The following OR56A3 variants were observed in gnomAD, a reference collection of about 807,000 sequenced individuals.
OR56A3 encodes the protein olfactory receptor 56A3.
Under a neutral mutation model 17.5 loss-of-function variants are expected in OR56A3, and 23 were observed. The observed-to-expected ratio is 1.32, with a 90% CI of 0.95 to 1.87. The LOEUF is 1.87. OR56A3 is among the 40% of genes most tolerant of loss of function. The pLI is 0.00. For synonymous variants in OR56A3, 175 were observed against 150.6 expected (o/e 1.16, Z -1.19); for missense variants, 366 against 380.1 (o/e 0.96, Z 0.31).
In OR56A3 at chr11:5,950,503, T is replaced by G. The variant is rs1847901502; in HGVS notation, c.*2209T>G. 1 of 152,170 alleles carries G rather than the reference T, an allele frequency of 6.6e-6. No individual in the cohort carries two copies. The highest frequency in any genetic ancestry group is 2.4e-5 in the African/African-American group (1 of 41,458). The allele number at this position is 152,170 out of a possible 1,614,324, so 9.4% of individuals were successfully genotyped here. A position where few individuals can be genotyped will look rare whatever the true frequency, so the allele number is the denominator to read the frequency against. ...TGAAAAACAAGGTGAACAAGTTAAC[T>G]ATGGTTTTATCTCACCAAAATAGGT... is the stretch of plus-strand genomic sequence containing the variant. On this transcript the variant is annotated 3_prime_UTR_variant, in exon 3 of 3. Transcript: ENST00000641160.
At chr11:5,963,013 C>T in the OR56A3 span, among the ~76,000 whole-genome samples, 2 of 152,126 alleles carry the variant, frequency 1.3e-5, no homozygotes, top group African/African-American at 2.4e-5. Context: ...TCTCATGATA[C>T]TTTGTATTTC....
chr11:5,980,731 G>T, the OR56A3 span, among the ~76,000 whole-genome samples: 3 of 151,994 alleles, frequency 2.0e-5, no homozygotes, highest in Non-Finnish European at 4.4e-5. Context: ...TTTTTAGTTG[G>T]CTGTTATGTA....
chr11:5,994,816 G>C, the OR56A3 span: 1,169 of 755,706 alleles, frequency 1.5e-3, 1 homozygote, highest in Non-Finnish European at 2.4e-3. Context: ...TCCTCTCCAG[G>C]TGCTCCCGGA....
chr11:5,986,444 C>T, the OR56A3 span: 27 of 1,613,850 alleles, frequency 1.7e-5, no homozygotes, highest in Middle Eastern at 3.3e-4. Flanking sequence ...ACCACCATTC[C>T]GATGCGCCCT....
the OR56A3 span, among the ~76,000 whole-genome samples, chr11:6,014,587 A>G: frequency 3.3e-5 from 5 of 152,320 alleles, no homozygotes; most frequent in South Asian, 1.0e-3. Context: ...AATTGGTACC[A>G]AAGAGTGAGG....
At chr11:5,954,324 A>G (rs774727110), downstream of OR56A3, among the ~76,000 whole-genome samples, 2 of 152,162 alleles carry the variant, frequency 1.3e-5, no homozygotes, top group Non-Finnish European at 2.9e-5. Flanking sequence ...TGTACCTCTG[A>G]CTAAGGCTCA....
the OR56A3 span, among the ~76,000 whole-genome samples, chr11:5,961,902 T>C: frequency 6.6e-6 from 1 of 152,228 alleles, no homozygotes; most frequent in African/African-American, 2.4e-5. Flanking sequence ...TTCTCTTGCC[T>C]AATTGCTCAT....
At chr11:5,979,457 A>G in the OR56A3 span, among the ~76,000 whole-genome samples, 8 of 151,874 alleles carry the variant, frequency 5.3e-5, no homozygotes, top group Admixed American at 5.2e-4. Flanking sequence ...GGAAGGTCGT[A>G]TGTTCCAGGA....
the OR56A3 span, among the ~76,000 whole-genome samples, chr11:5,982,916 T>C: frequency 1.3e-5 from 2 of 152,164 alleles, 1 homozygote; most frequent in South Asian, 4.1e-4. Context: ...AGCAACCCCA[T>C]GCAGGATTTC....
At chr11:5,987,141 T>C in the OR56A3 span, among the ~76,000 whole-genome samples, 1 of 152,240 alleles carries the variant, frequency 6.6e-6, no homozygotes, top group Non-Finnish European at 1.5e-5. Context: ...AGAGTAAACA[T>C]AAGCTGCTTT....
chr11:5,966,151 G>A, the OR56A3 span, among the ~76,000 whole-genome samples: 10 of 147,632 alleles, frequency 6.8e-5, no homozygotes, highest in East Asian at 4.0e-4. Context: ...CAGGTGGATC[G>A]CTTGAGCCCA....
At chr11:6,000,519 C>T in the OR56A3 span, 2 of 151,992 alleles carry the variant, frequency 1.3e-5, no homozygotes, top group African/African-American at 2.4e-5. Context: ...TGTTAAATGA[C>T]GAGTTAATGG....
the OR56A3 span, chr11:5,994,833 T>C: frequency 4.0e-6 from 3 of 758,630 alleles, no homozygotes; most frequent in East Asian, 5.0e-5. Flanking sequence ...CGGATTTTGC[T>C]CTCCAGCTTC....
chr11:5,947,980 G>A lies in OR56A3; in HGVS notation c.634G>A (p.Gly212Arg), dbSNP rs1847883409. ...YQFAGGWTLL[G>R]SDLILIFLSY... is the part of the protein sequence containing the mutation. The stretch of plus-strand genomic sequence containing the variant: ...ATTTGCTGGAGGCTGGACTCTGCTA[G>A]GATCTGACCTCATCCTTATCTTCCT... The change falls in exon 3 of 3, where the codon GGA becomes AGA. Residue 212 changes from glycine (G) to arginine (R), a missense_variant. Transcript: ENST00000641160. 1.2e-6 allele frequency: 2 copies of A among 1,614,180 alleles called. No individual in the cohort carries two copies. The highest frequency in any genetic ancestry group is 1.7e-6 in the Non-Finnish European group (2 of 1,180,050).
At chr11:5,954,057 A>G (rs1847921372), downstream of OR56A3, among the ~76,000 whole-genome samples, 1 of 152,184 alleles carries the variant, frequency 6.6e-6, no homozygotes, top group African/African-American at 2.4e-5. Flanking sequence ...TGGATTTTGG[A>G]ACCTGTGCTA....
At chr11:5,968,320 G>T in the OR56A3 span, 2 of 1,613,010 alleles carry the variant, frequency 1.2e-6, no homozygotes. Context: ...AGGGGCTGGT[G>T]CAGAGAGGCT....
chr11:6,011,181 G>T, the OR56A3 span, among the ~76,000 whole-genome samples: 1 of 134,426 alleles, frequency 7.4e-6, no homozygotes. Flanking sequence ...AAACATAACT[G>T]TGCTTTTGAG....
intron 2 of OR56A3, among the ~76,000 whole-genome samples, chr11:5,946,421 T>C (rs928224456): frequency 6.6e-6 from 1 of 152,202 alleles, no homozygotes; most frequent in African/African-American, 2.4e-5. Flanking sequence ...AAGGGAATAA[T>C]GGCAACACTG....
the OR56A3 span, chr11:5,994,918 C>T: frequency 4.0e-6 from 3 of 752,918 alleles, no homozygotes; most frequent in Non-Finnish European, 4.8e-6. Flanking sequence ...GCATGGTCTC[C>T]TTCTCATTCT....
Sources: gnomAD v4.1 joint callset for allele counts (sites outside exome capture counted in the v4.1 genomes callset) on GRCh38, gnomAD v4.1.1 for gene constraint, MANE v1.5 for transcripts, NCBI Gene and HGNC (gene_info 2026-07-23, HGNC 2026-07-21) for gene names.